The following TMEM163 variants were observed in gnomAD, a reference collection of about 807,000 sequenced individuals.
The protein encoded by TMEM163 is transmembrane protein 163.
A neutral mutation model predicts 29.3 loss-of-function variants in TMEM163; 17 were observed. The ratio of observed to expected loss-of-function variants is 0.58; its 90% CI spans 0.40 to 0.87. TMEM163 has a LOEUF of 0.87. Among genes scored for constraint, TMEM163 ranks in the 40% least tolerant of loss-of-function variants. The probability of loss-of-function intolerance (pLI) is 0.00; values close to 1 mark genes in which losing one functional copy is unlikely to be tolerated. For missense variants in TMEM163, 303 were observed against 381.5 expected (o/e 0.79, Z 1.71); for synonymous variants, 157 against 160.6 (o/e 0.98, Z 0.17).
intron 4 of TMEM163, among the ~76,000 whole-genome samples, chr2:134,524,541 A>G (rs1428094048): frequency 6.7e-6 from 1 of 149,160 alleles, no homozygotes; most frequent in Non-Finnish European, 1.5e-5. Flanking sequence ...CCCCCTACCC[A>G]TAGGCCCCAG....
At chr2:134,499,485 C>G (rs1679653984) in intron 5 of TMEM163, among the ~76,000 whole-genome samples, 1 of 152,182 alleles carries the variant, frequency 6.6e-6, no homozygotes, top group Non-Finnish European at 1.5e-5. Flanking sequence ...AGCAGAGTCC[C>G]CAGGTCCTGT....
chr2:134,519,555 C>CA (rs1440415258), intron 4 of TMEM163, among the ~76,000 whole-genome samples: 4 of 151,746 alleles, frequency 2.6e-5, no homozygotes, highest in Admixed American at 6.6e-5. Flanking sequence ...ACCAAAAATA[C>CA]AAAAAAATTA....
intron 2 of TMEM163, among the ~76,000 whole-genome samples, chr2:134,592,956 C>T (rs1031121742): frequency 2.6e-5 from 4 of 152,072 alleles, no homozygotes; most frequent in African/African-American, 7.2e-5. Context: ...CATCTATTCT[C>T]ATAGTGCTCT....
rs180858682 is a variant in TMEM163, at chr2:134,488,132, A to G, written c.555+14769T>C. Among the ~76,000 whole-genome samples, 28 of 152,348 alleles carry G rather than the reference A, an allele frequency of 1.8e-4. No individual in the cohort carries two copies. In the East Asian group the frequency reaches 5.2e-3, roughly 28 times the overall value. The stretch of plus-strand genomic sequence containing the variant: ...TTAGGCGAAATTATTTGCAATGCAC[A>G]TATGTGATGGTTAATATTGAGTGCC... On this transcript the variant is annotated intron_variant, in intron 5 of 7. Transcript: ENST00000281924.
At chr2:134,705,070 C>A (rs774850605) in intron 2 of TMEM163, among the ~76,000 whole-genome samples, 5 of 151,956 alleles carry the variant, frequency 3.3e-5, no homozygotes, top group African/African-American at 4.8e-5. Context: ...ACTAGCCAGG[C>A]ATGGTGGCAT....
rs540079469 is a variant in TMEM163 at position 134,588,462 on chromosome 2, G to A, written c.323-36371C>T. ...GGTCCAATCAGCAGTTCCTAAACCCGATGAAACTGGAGTGGCATGGGCAGT... is the reference window on the plus strand; with the variant it reads ...GGTCCAATCAGCAGTTCCTAAACCCAATGAAACTGGAGTGGCATGGGCAGT... On this transcript the variant is annotated intron_variant, in intron 2 of 7. Coordinates refer to ENST00000281924, the MANE Select transcript of TMEM163 (RefSeq NM_030923.5). 3.9e-5 allele frequency among the ~76,000 whole-genome samples: 6 copies of A among 152,240 alleles called. No individual in the cohort carries two copies. The East Asian group carries it at 5.8e-4, about 15-fold the overall frequency.
At chr2:134,581,257 A>G (rs1252635294) in intron 2 of TMEM163, among the ~76,000 whole-genome samples, 3 of 152,200 alleles carry the variant, frequency 2.0e-5, no homozygotes, top group African/African-American at 7.2e-5. Context: ...CACCCAAAGT[A>G]GCTACTTGAT....
Position 134,661,851 on chromosome 2 carries a change from G to A in TMEM163, c.322+51349C>T, listed in dbSNP as rs139977118. On this transcript the variant is annotated intron_variant, in intron 2 of 7. Transcript: ENST00000281924. ...TGATTTCAAAATGGGGAGTTTTAAT[G>A]GAGTCAAAATTTGGAATAAATAACA... is the stretch of plus-strand genomic sequence containing the variant. Among the ~76,000 whole-genome samples, 763 of 151,682 alleles carry A rather than the reference G, an allele frequency of 5.0e-3. 8 individuals carry two copies. The highest frequency in any genetic ancestry group is 0.018 in the African/African-American group (745 of 41,306).
At chr2:134,632,270 G>A (rs138986119) in intron 2 of TMEM163, among the ~76,000 whole-genome samples, 161 of 152,238 alleles carry the variant, frequency 1.1e-3, no homozygotes, top group African/African-American at 3.8e-3. Context: ...GGCCATAGAA[G>A]GGAAGGCTTT....
chr2:134,710,460 C>T (rs1684901398), intron 2 of TMEM163, among the ~76,000 whole-genome samples: 1 of 152,036 alleles, frequency 6.6e-6, no homozygotes, highest in African/African-American at 2.4e-5. Flanking sequence ...GACAGGAACT[C>T]CAGCTGACCC....
At chr2:134,665,436 T>C (rs1343479183) in intron 2 of TMEM163, among the ~76,000 whole-genome samples, 1 of 152,080 alleles carries the variant, frequency 6.6e-6, no homozygotes, top group Non-Finnish European at 1.5e-5. Flanking sequence ...CATGATTCAA[T>C]TACCTCCTAC....
intron 5 of TMEM163, among the ~76,000 whole-genome samples, chr2:134,471,445 G>A (rs182181104): frequency 7.9e-5 from 12 of 152,308 alleles, no homozygotes; most frequent in African/African-American, 2.9e-4. Context: ...GCAGCCATCT[G>A]TAACCCAAGG....
At chr2:134,626,718 A>G (rs1682860944) in intron 2 of TMEM163, among the ~76,000 whole-genome samples, 1 of 152,252 alleles carries the variant, frequency 6.6e-6, no homozygotes, top group South Asian at 2.1e-4. Context: ...ACAAGTATTC[A>G]TAAAACATTC....
rs1410992464 is a variant in TMEM163, at chr2:134,653,721, C to T, written c.322+59479G>A. On this transcript the variant is annotated intron_variant, in intron 2 of 7. Transcript: ENST00000281924. The stretch of plus-strand genomic sequence containing the variant: ...TTCCCTCTACACACTGCTTTGAATG[C>T]GTCCCAGAGATTCTGTTAAGTTGTG... Among the ~76,000 whole-genome samples, 12 of 89,022 alleles carry T rather than the reference C, an allele frequency of 1.3e-4. 1 individual carries two copies. The highest frequency in any genetic ancestry group is 1.9e-4 in the Non-Finnish European group (9 of 46,288). The allele number at this position is 89,022 out of a possible 152,430, so 58.4% of individuals were successfully genotyped here.
At chr2:134,612,947 C>T (rs917362152) in intron 2 of TMEM163, among the ~76,000 whole-genome samples, 1 of 152,156 alleles carries the variant, frequency 6.6e-6, no homozygotes, top group Admixed American at 6.5e-5. Flanking sequence ...AGATGTTAGA[C>T]TTACTAGACA....
At chr2:134,667,655 T>C (rs1290600868) in intron 2 of TMEM163, among the ~76,000 whole-genome samples, 1 of 152,242 alleles carries the variant, frequency 6.6e-6, no homozygotes, top group Non-Finnish European at 1.5e-5. Context: ...ATAATTCATA[T>C]ATGTAACCGC....
intron 2 of TMEM163, among the ~76,000 whole-genome samples, chr2:134,584,760 GTTCA>G (rs1224315899): frequency 1.3e-5 from 2 of 152,044 alleles, no homozygotes. Flanking sequence ...AGACACAAAT[GTTCA>G]TTCAAATTAT....
At chr2:134,677,824 G>C (rs958314575) in intron 2 of TMEM163, among the ~76,000 whole-genome samples, 1 of 152,140 alleles carries the variant, frequency 6.6e-6, no homozygotes, top group African/African-American at 2.4e-5. Flanking sequence ...GTACCCCTGT[G>C]TCAACAGTTC....
intron 2 of TMEM163, among the ~76,000 whole-genome samples, chr2:134,702,970 T>G (rs1684734881): frequency 6.6e-6 from 1 of 152,144 alleles, no homozygotes; most frequent in African/African-American, 2.4e-5. Flanking sequence ...TGAAGCAAAG[T>G]GTACAGAACT....
Sources: gnomAD v4.1 joint callset for allele counts (sites outside exome capture counted in the v4.1 genomes callset) on GRCh38, gnomAD v4.1.1 for gene constraint, MANE v1.5 for transcripts, NCBI Gene and HGNC (gene_info 2026-07-23, HGNC 2026-07-21) for gene names.